The following TTLL4 variants were observed in gnomAD, a reference collection of about 807,000 sequenced individuals.
The protein encoded by TTLL4 is tubulin monoglutamylase TTLL4.
Under a neutral mutation model 122.7 loss-of-function variants are expected in TTLL4, and 85 were observed. The ratio of observed to expected loss-of-function variants is 0.69; its 90% CI spans 0.58 to 0.83. The LOEUF is 0.83. Ranked by LOEUF, TTLL4 falls within the 40% of genes least tolerant of loss-of-function variation. The probability of loss-of-function intolerance (pLI) is 0.00; values close to 1 mark genes in which losing one functional copy is unlikely to be tolerated. For synonymous variants in TTLL4, 553 were observed against 563.0 expected, an observed-to-expected ratio of 0.98 and a Z score of 0.25; for missense variants, 1,363 against 1,488.6, an observed-to-expected ratio of 0.92 and a Z score of 1.39.
chr2:218,720,838 C>A (rs1014484355), intron 1 of TTLL4, among the ~76,000 whole-genome samples: 1 of 152,038 alleles, frequency 6.6e-6, no homozygotes, highest in Non-Finnish European at 1.5e-5. Context: ...GGCTGATTGC[C>A]GAGAGAACCA....
chr2:218,734,901 A>T (rs915866178), intron 2 of TTLL4, among the ~76,000 whole-genome samples: 3 of 152,174 alleles, frequency 2.0e-5, no homozygotes, highest in African/African-American at 7.2e-5. Flanking sequence ...CACACGCTGT[A>T]ATTGTTCCAA....
intron 1 of TTLL4, among the ~76,000 whole-genome samples, chr2:218,715,281 GTCT>G (rs1399048604): frequency 6.6e-5 from 10 of 152,222 alleles, no homozygotes; most frequent in Non-Finnish European, 1.0e-4. Context: ...TATTTCAGTA[GTCT>G]TCTCAGATAG....
intron 12 of TTLL4, 181 bp downstream of exon 12, chr2:218,748,408 A>G: frequency 9.9e-7 from 1 of 1,009,540 alleles, no homozygotes; most frequent in East Asian, 2.9e-5. Context: ...TAATCCTAGC[A>G]CTTTGGGAGG....
downstream of TTLL4, among the ~76,000 whole-genome samples, chr2:218,757,044 C>T (rs948735108): frequency 1.3e-5 from 2 of 152,164 alleles, no homozygotes; most frequent in African/African-American, 4.8e-5. Flanking sequence ...TTTTAAGTCT[C>T]CATTTCTTTG....
intron 1 of TTLL4, among the ~76,000 whole-genome samples, chr2:218,722,761 T>G (rs1037554573): frequency 6.6e-6 from 1 of 152,186 alleles, no homozygotes; most frequent in Non-Finnish European, 1.5e-5. Flanking sequence ...AGCCAGTAAA[T>G]CAGCAGTTGA....
At chr2:218,753,824 G>A (rs747812470) in intron 19 of TTLL4, among the ~76,000 whole-genome samples, 155 bp downstream of exon 19, 47 of 152,064 alleles carry the variant, frequency 3.1e-4, no homozygotes, top group Non-Finnish European at 5.7e-4. Context: ...CCTTTTTCTG[G>A]TAGATCTTGG....
intron 1 of TTLL4, among the ~76,000 whole-genome samples, chr2:218,723,156 A>C (rs1454608067): frequency 2.6e-5 from 4 of 152,238 alleles, no homozygotes; most frequent in African/African-American, 9.6e-5. Flanking sequence ...GGAGATTAAC[A>C]GATAACATGT....
At chr2:218,753,811 C>A in intron 19 of TTLL4, 142 bp downstream of exon 19, 1 of 924,894 alleles carries the variant, frequency 1.1e-6, no homozygotes, top group Non-Finnish European at 1.7e-6. Context: ...GCAGCCATAG[C>A]ATCCTTTTTC....
intron 14 of TTLL4, among the ~76,000 whole-genome samples, chr2:218,749,784 G>A (rs1942967571): frequency 1.3e-5 from 2 of 152,130 alleles, no homozygotes; most frequent in South Asian, 4.1e-4. Context: ...CTTTTTAAGT[G>A]GATCCTTACT....
At chr2:218,748,757 G>C in intron 12 of TTLL4, 79 bp from the exon 13 acceptor site, 7 of 1,268,880 alleles carry the variant, frequency 5.5e-6, no homozygotes, top group Non-Finnish European at 6.8e-6. Flanking sequence ...ATACCATTAG[G>C]TCTCTTCTTC....
intron 12 of TTLL4, chr2:218,748,428 G>T (rs1942908941): frequency 6.6e-6 from 5 of 760,360 alleles, no homozygotes; most frequent in Non-Finnish European, 7.9e-6. Flanking sequence ...GCCAAGGTGG[G>T]TGGATCACCT....
chr2:218,753,434 C>A, intron 18 of TTLL4, 150 bp from the exon 19 acceptor site: 1 of 886,770 alleles, frequency 1.1e-6, no homozygotes, highest in Non-Finnish European at 1.8e-6. Flanking sequence ...AGAACTGAGA[C>A]TTTTACCCAC....
downstream of TTLL4, among the ~76,000 whole-genome samples, chr2:218,757,377 T>C (rs1467313369): frequency 6.6e-6 from 1 of 152,226 alleles, no homozygotes; most frequent in Admixed American, 6.5e-5. Flanking sequence ...ATTTATTCTT[T>C]GGTTAAACAC....
chr2:218,751,253 T>A (rs1159156125), intron 15 of TTLL4, among the ~76,000 whole-genome samples: 1 of 152,200 alleles, frequency 6.6e-6, no homozygotes, highest in Non-Finnish European at 1.5e-5. Context: ...AATTATTATT[T>A]TTTTTTAGAG....
At position 218,738,041 on chromosome 2, in the gene TTLL4, G is replaced by C; in HGVS notation, c.365G>C (p.Ser122Thr). The change falls in exon 3 of 20, where the codon AGC becomes ACC. Residue 122 changes from serine to threonine, a missense_variant. This residue lies in a region of TTLL4 where 760 missense variants were observed against 808.4 expected (regional missense o/e 0.94). Transcript: ENST00000392102. Reference sequence around the variant, plus strand: ...AGCACCCTGCTATACCGCCGCTCCAGCTATAGGCAAAAACCGTACCAGCAA... The same window carrying C: ...AGCACCCTGCTATACCGCCGCTCCACCTATAGGCAAAAACCGTACCAGCAA... ...FNSTLLYRRS[S>T]YRQKPYQQLE... 6.2e-7 allele frequency: 1 copy of C among 1,614,102 alleles called. No individual in the cohort carries two copies. Among genetic ancestry groups the C allele is most frequent in the Non-Finnish European group, 8.5e-7 (1 of 1,180,034 alleles).
intron 2 of TTLL4, among the ~76,000 whole-genome samples, chr2:218,731,763 A>G (rs1052381935): frequency 2.0e-5 from 3 of 152,190 alleles, no homozygotes; most frequent in African/African-American, 7.2e-5. Context: ...TCAGAGTTGC[A>G]TGTGATTCAC....
rs760411669 is a variant in TTLL4 at position 218,737,655 on chromosome 2, G to A, written c.-22G>A. On this transcript the variant is annotated 5_prime_UTR_variant, in exon 3 of 20. In the 5' UTR this introduces an upstream ATG that the reference lacks. Transcript: ENST00000392102. ...TACCTCAGCAAGGCCATGAGACCGT[G>A]TGGCCATGATGTGGGCCCCTCATGG... 6.4e-7 allele frequency: 1 copy of A among 1,557,200 alleles called. No homozygotes were observed. Among genetic ancestry groups the A allele is most frequent in the East Asian group, 2.3e-5 (1 of 44,386 alleles).
intron 1 of TTLL4, among the ~76,000 whole-genome samples, chr2:218,720,756 G>A (rs114186398): frequency 0.012 from 1,839 of 152,128 alleles, 39 homozygotes; most frequent in African/African-American, 0.042. Flanking sequence ...GAACTTGTAA[G>A]TGATAAGTGT....
intron 1 of TTLL4, among the ~76,000 whole-genome samples, chr2:218,725,189 C>T (rs1210926461): frequency 2.0e-5 from 3 of 151,968 alleles, no homozygotes; most frequent in Non-Finnish European, 4.4e-5. Flanking sequence ...TGAGCCACTG[C>T]GCCCACCCTA....
Sources: gnomAD v4.1 joint callset for allele counts (sites outside exome capture counted in the v4.1 genomes callset) on GRCh38, gnomAD v4.1.1 for gene constraint, gnomAD v4.1.1 regional missense constraint, MANE v1.5 for transcripts, NCBI Gene and HGNC (gene_info 2026-07-23, HGNC 2026-07-21) for gene names.